RBFOX1: variants seen among roughly 807,000 people sequenced by gnomAD.
RBFOX1 encodes the protein RNA binding protein fox-1 homolog 1.
A neutral mutation model predicts 57.7 loss-of-function variants in RBFOX1; 8 were observed. The observed-to-expected ratio is 0.14, with a 90% confidence interval of 0.08 to 0.25. The LOEUF (loss-of-function observed/expected upper bound fraction) is 0.25. Among genes scored for constraint, RBFOX1 ranks in the 10% least tolerant of loss-of-function variants. The pLI is 1.00. For synonymous variants in RBFOX1, 326 were observed against 222.4 expected, an observed-to-expected ratio of 1.47 and a Z score of -4.15; for missense variants, 611 against 548.5, an observed-to-expected ratio of 1.11 and a Z score of -1.14.
intron 3 of RBFOX1, among the ~76,000 whole-genome samples, chr16:6,980,321 T>C (rs2088390402): frequency 6.6e-6 from 1 of 152,218 alleles, no homozygotes; most frequent in Non-Finnish European, 1.5e-5. Context: ...AAATATTACC[T>C]ATTCGTTTTT....
In RBFOX1 at chr16:6,940,452, C is replaced by G. The variant is rs139839229; in HGVS notation, c.-15-111605C>G. On this transcript the variant is annotated intron_variant, in intron 3 of 15. Coordinates refer to ENST00000550418, the MANE Select transcript of RBFOX1 (RefSeq NM_018723.4). ...CTTCTCTCTGTCCACACAGCAAAAA[C>G]TGACGAGTGAGTGATGACAATGATA... 4.6e-3 allele frequency among the ~76,000 whole-genome samples: 693 copies of G among 152,292 alleles called. 4 individuals are homozygous for G. Among genetic ancestry groups the G allele is most frequent in the Non-Finnish European group, 7.3e-3 (497 of 68,032 alleles).
chr16:5,519,581 C>T (rs2043931563), intron 2 of RBFOX1, among the ~76,000 whole-genome samples: 1 of 152,028 alleles, frequency 6.6e-6, no homozygotes, highest in African/African-American at 2.4e-5. Context: ...AAAAATTATC[C>T]AGGTGTGGTG....
At chr16:7,575,159 G>A (rs568069998) in intron 5 of RBFOX1, among the ~76,000 whole-genome samples, 11 of 152,050 alleles carry the variant, frequency 7.2e-5, no homozygotes, top group Admixed American at 7.2e-4. Context: ...TTTTGAGATG[G>A]AGTCTCACTC....
chr16:6,901,687 T>A (rs2068535688), intron 3 of RBFOX1, among the ~76,000 whole-genome samples: 1 of 152,232 alleles, frequency 6.6e-6, no homozygotes. Flanking sequence ...TTCTGTTGTT[T>A]CTGCAGAGAT....
intron 4 of RBFOX1, among the ~76,000 whole-genome samples, chr16:7,367,879 C>T (rs922228490): frequency 3.6e-5 from 4 of 110,956 alleles, no homozygotes; most frequent in Non-Finnish European, 5.4e-5. Flanking sequence ...TGCACACATG[C>T]GTGCATACAC....
At chr16:6,446,089 C>T (rs9927457) in intron 2 of RBFOX1, among the ~76,000 whole-genome samples, 2 of 152,144 alleles carry the variant, frequency 1.3e-5, no homozygotes, top group African/African-American at 4.8e-5. Flanking sequence ...CTCAACCTCT[C>T]AAGTAGCCAG....
intron 2 of RBFOX1, among the ~76,000 whole-genome samples, chr16:5,593,060 A>T (rs2047061942): frequency 6.6e-6 from 1 of 152,214 alleles, no homozygotes. Flanking sequence ...GAACTTGCTT[A>T]TAAAACAATA....
At chr16:6,738,193 T>G (rs1259688687) in intron 3 of RBFOX1, among the ~76,000 whole-genome samples, 1 of 152,152 alleles carries the variant, frequency 6.6e-6, no homozygotes, top group Non-Finnish European at 1.5e-5. Flanking sequence ...GAACAATGGT[T>G]TGCATAACAC....
intron 3 of RBFOX1, among the ~76,000 whole-genome samples, chr16:6,761,404 C>T (rs1603615853): frequency 6.7e-6 from 1 of 149,176 alleles, no homozygotes; most frequent in Non-Finnish European, 1.5e-5. Context: ...TGTTAGTTTT[C>T]AGTTTTTAAG....
intron 1 of RBFOX1, among the ~76,000 whole-genome samples, chr16:5,397,079 A>C (rs1248186305): frequency 5.3e-5 from 8 of 152,224 alleles, no homozygotes; most frequent in African/African-American, 1.7e-4. Context: ...TGTGGAAATT[A>C]GCAGAGAGCA....
At chr16:5,327,197 TC>T (rs2064601169) in intron 1 of RBFOX1, among the ~76,000 whole-genome samples, 1 of 152,106 alleles carries the variant, frequency 6.6e-6, no homozygotes. Flanking sequence ...GGTGTGTAGA[TC>T]CCCTGCATCA....
intron 3 of RBFOX1, among the ~76,000 whole-genome samples, chr16:6,742,973 T>C (rs916670446): frequency 9.9e-5 from 15 of 152,168 alleles, no homozygotes; most frequent in African/African-American, 3.6e-4. Flanking sequence ...TTTATCAATG[T>C]CAATATCATA....
chr16:6,598,408 C>G (rs543127372), intron 2 of RBFOX1, among the ~76,000 whole-genome samples: 1 of 152,200 alleles, frequency 6.6e-6, no homozygotes, highest in South Asian at 2.1e-4. Context: ...TTGGCCAGTA[C>G]AAAGTAAAAG....
intron 4 of RBFOX1, among the ~76,000 whole-genome samples, chr16:7,452,866 T>A (rs1285601509): frequency 6.6e-6 from 1 of 152,136 alleles, no homozygotes; most frequent in African/African-American, 2.4e-5. Context: ...CAGTGGCTCA[T>A]GCCCAGAATC....
chr16:7,114,358 A>T (rs531691036), intron 4 of RBFOX1, among the ~76,000 whole-genome samples: 2 of 152,336 alleles, frequency 1.3e-5, no homozygotes, highest in African/African-American at 4.8e-5. Flanking sequence ...CCAAGGTCAC[A>T]TATTTAATAG....
At chr16:7,396,318 A>G (rs957340337) in intron 4 of RBFOX1, among the ~76,000 whole-genome samples, 2 of 152,166 alleles carry the variant, frequency 1.3e-5, no homozygotes, top group Non-Finnish European at 2.9e-5. Flanking sequence ...CCTGAGCAAC[A>G]GTGTAAACGG....
At chr16:6,526,713 C>G (rs1487872184) in intron 2 of RBFOX1, among the ~76,000 whole-genome samples, 2 of 150,784 alleles carry the variant, frequency 1.3e-5, no homozygotes, top group South Asian at 4.2e-4. Context: ...ACCTGTAGTC[C>G]CAGCTACTAG....
chr16:6,176,338 T>TA (rs2097008793), intron 1 of RBFOX1, among the ~76,000 whole-genome samples: 1 of 145,946 alleles, frequency 6.9e-6, no homozygotes, highest in South Asian at 2.2e-4. Flanking sequence ...TTTTTTTTTT[T>TA]AGTAGATATG....
intron 2 of RBFOX1, among the ~76,000 whole-genome samples, chr16:6,634,238 T>C (rs930081033): frequency 2.6e-5 from 4 of 152,144 alleles, no homozygotes; most frequent in Non-Finnish European, 4.4e-5. Context: ...TTAAAAAATA[T>C]TTCTGTTACT....
Sources: gnomAD v4.1 joint callset for allele counts (sites outside exome capture counted in the v4.1 genomes callset) on GRCh38, gnomAD v4.1.1 for gene constraint, MANE v1.5 for transcripts, NCBI Gene and HGNC (gene_info 2026-07-23, HGNC 2026-07-21) for gene names.